CCDC57: variants seen among roughly 807,000 people sequenced by gnomAD.
The protein encoded by CCDC57 is coiled-coil domain-containing protein 57.
A neutral mutation model predicts 118.9 loss-of-function variants in CCDC57; 118 were observed. The observed-to-expected ratio is 0.99, with a 90% CI of 0.86 to 1.16. CCDC57 has a LOEUF of 1.16. Among genes scored for constraint, CCDC57 ranks in the 50% most tolerant of loss-of-function variants. The pLI, the probability that CCDC57 is intolerant of heterozygous loss-of-function variation, is 0.00. For missense variants in CCDC57, 1,300 were observed against 1,320.7 expected, an observed-to-expected ratio of 0.98 and a Z score of 0.24; for synonymous variants, 527 against 532.9, an observed-to-expected ratio of 0.99 and a Z score of 0.15.
chr17:82,206,211 G>C (rs570919003), intron 2 of CCDC57, among the ~76,000 whole-genome samples: 57 of 152,380 alleles, frequency 3.7e-4, no homozygotes, highest in Non-Finnish European at 7.8e-4. Context: ...GCATGGGTGG[G>C]CATCCCATCA....
Position 82,135,496 on chromosome 17 carries a change from A to C in CCDC57, c.2456-1302T>G, listed in dbSNP as rs897779992. On this transcript the variant is annotated intron_variant, in intron 16 of 19. Coordinates refer to ENST00000665763, the Ensembl canonical transcript of CCDC57. ...ATCAACATCTGAGGAGCATCGCAGG[A>C]TTAGCTCTGCCCTGTGGACATCCCG... The C allele has an allele frequency of 2.0e-5, 3 of 152,216 alleles. No homozygotes were observed. In the East Asian group the frequency reaches 5.8e-4, roughly 29 times the overall value. 9.4% of individuals were successfully genotyped at this position (152,216 alleles called of 1,614,324 possible). A position where few individuals can be genotyped will look rare whatever the true frequency, so the allele number is the denominator to read the frequency against.
Position 82,157,756 on chromosome 17 carries a change from C to A in CCDC57, c.2233G>T (p.Gly745Trp), listed in dbSNP as rs529229760. Residue 745 changes from glycine to tryptophan, a missense_variant, in exon 15 of 20, where the codon GGG becomes TGG. Physicochemically the swap from Gly to Trp is radical, Grantham distance 184. Coordinates refer to ENST00000665763, the Ensembl canonical transcript of CCDC57. Reference sequence around the variant, plus strand: ...AGCTAGCGGGCACCCACCTCTCTCCCAAGGGCCACGGCGTCCGAGGCTGGG... The same window carrying A: ...AGCTAGCGGGCACCCACCTCTCTCCAAAGGGCCACGGCGTCCGAGGCTGGG... The A allele has an allele frequency of 2.0e-4, 317 of 1,595,684 alleles. 5 individuals carry two copies. In the South Asian group the frequency reaches 3.4e-3, roughly 17 times the overall value.
At chr17:82,130,474 C>T (rs10852790) in intron 17 of CCDC57, among the ~76,000 whole-genome samples, 66,052 of 145,058 alleles carry the variant, frequency 0.46, 15,753 homozygotes, top group East Asian at 0.88. Flanking sequence ...GGATTACAGG[C>T]GTGAGCCACC....
intron 4 of CCDC57, 63 bp downstream of exon 3, chr17:82,198,251 T>C: frequency 1.0e-6 from 1 of 964,452 alleles, no homozygotes; most frequent in Non-Finnish European, 1.6e-6. Context: ...CCCTATATGA[T>C]TTCAGTTTCA....
intron 17 of CCDC57, among the ~76,000 whole-genome samples, chr17:82,131,581 A>AAAAC (rs1240159999): frequency 1.3e-5 from 2 of 152,124 alleles, no homozygotes; most frequent in East Asian, 1.9e-4. Context: ...TCTCTATTAA[A>AAAAC]AAACAAACAA....
At chr17:82,122,464 C>G (rs1323336593) in intron 19 of CCDC57, among the ~76,000 whole-genome samples, 1 of 152,242 alleles carries the variant, frequency 6.6e-6, no homozygotes, top group African/African-American at 2.4e-5. Flanking sequence ...CTCGTGGTTG[C>G]TCTAGGACTC....
chr17:82,204,201 C>T (rs1287866485), intron 2 of CCDC57, among the ~76,000 whole-genome samples: 2 of 152,196 alleles, frequency 1.3e-5, no homozygotes, highest in Admixed American at 6.5e-5. Context: ...ACCATCACGC[C>T]ACCTGGACCA....
At chr17:82,138,147 C>CTT (rs569568425) in intron 16 of CCDC57, among the ~76,000 whole-genome samples, 39 of 118,288 alleles carry the variant, frequency 3.3e-4, no homozygotes, top group Non-Finnish European at 4.6e-4. Context: ...AGGAGGATCT[C>CTT]TTTTTTTTTT....
In CCDC57 at chr17:82,118,971, A is replaced by G. The variant is rs1189968299; in HGVS notation, c.2899+8721T>C. On this transcript the variant is annotated intron_variant, in intron 19 of 19. Transcript: ENST00000665763. This position sits in a 1 kb window ranked among gnomAD's most constrained non-coding sequence, Gnocchi z 4.7. ...GTAGTGTGTGGTCCCCGTGAGAGGA[A>G]GCGGAGATCAGAGTAAGCTGTGTTC... Among the ~76,000 whole-genome samples the G allele has an allele frequency of 6.6e-6, 1 of 151,134 alleles. No homozygotes were observed. The highest frequency in any genetic ancestry group is 1.5e-5 in the Non-Finnish European group (1 of 67,818).
intron 13 of CCDC57, among the ~76,000 whole-genome samples, chr17:82,167,751 G>A (rs1186250324): frequency 6.6e-6 from 1 of 152,072 alleles, no homozygotes; most frequent in Non-Finnish European, 1.5e-5. Context: ...AAAGTGCTGG[G>A]ATTACAGGTG....
At chr17:82,114,228 C>T (rs1422839593) in intron 19 of CCDC57, among the ~76,000 whole-genome samples, 2 of 152,198 alleles carry the variant, frequency 1.3e-5, no homozygotes, top group Non-Finnish European at 2.9e-5. Context: ...CATGGCGGGG[C>T]CATCCCGACC....
chr17:82,126,547 C>A (rs1471022013), intron 19 of CCDC57: 5 of 985,212 alleles, frequency 5.1e-6, no homozygotes, highest in African/African-American at 1.7e-5. Flanking sequence ...TAAACACACA[C>A]GAAGATGCAC....
rs975012279 is a variant in CCDC57 at position 82,171,594 on chromosome 17, C to T, written c.1882+107G>A. The T allele has an allele frequency of 2.3e-5, 29 of 1,247,394 alleles. No individual in the cohort carries two copies. In the East Asian group the frequency reaches 2.7e-4, roughly 12 times the overall value. The allele number at this position is 1,247,394 out of a possible 1,614,324, so 77.3% of individuals were successfully genotyped here. A position where few individuals can be genotyped will look rare whatever the true frequency, so the allele number is the denominator to read the frequency against. On this transcript the variant is annotated intron_variant, in intron 13 of 19. Transcript: ENST00000665763. ...GCTGGGCTGGATGACGCCGCCCCAACGTCTGCAGTAGCCTTGAGCTGTATA... is the reference window on the plus strand; with the variant it reads ...GCTGGGCTGGATGACGCCGCCCCAATGTCTGCAGTAGCCTTGAGCTGTATA...
chr17:82,195,584 G>T (rs1352801130), intron 4 of CCDC57, among the ~76,000 whole-genome samples: 1 of 151,656 alleles, frequency 6.6e-6, no homozygotes, highest in Non-Finnish European at 1.5e-5. Flanking sequence ...TTCAAGACCA[G>T]CCTGGGCAAC....
rs2050230656 is a variant in CCDC57, at chr17:82,212,395, CTCT to C, written c.-211+387_-211+389del. Among the ~76,000 whole-genome samples the C allele has an allele frequency of 1.4e-4, 19 of 134,206 alleles. No homozygotes were observed. The highest frequency in any genetic ancestry group is 2.2e-4 in the East Asian group (1 of 4,562). The allele number at this position is 134,206 out of a possible 152,430, so 88.0% of individuals were successfully genotyped here. On this transcript the variant is annotated intron_variant, in intron 1 of 19. Transcript: ENST00000665763. The surrounding 1 kb of genome is among the most constrained non-coding windows in gnomAD (Gnocchi z 4.1). ...ACCGCCTCCGGCCTTTTTTTTTCCT[CTCT>C]TTTTTTTTTTTTTTTTTTAAACTCA... is the stretch of plus-strand genomic sequence containing the variant.
chr17:82,120,615 A>G (rs779668756), intron 19 of CCDC57, among the ~76,000 whole-genome samples: 1 of 152,260 alleles, frequency 6.6e-6, no homozygotes, highest in Non-Finnish European at 1.5e-5. Flanking sequence ...AGCATGCTCA[A>G]ATATTCAAAA....
intron 19 of CCDC57, 101 bp from the exon 19 acceptor site, chr17:82,101,967 G>A (rs566658149): frequency 4.4e-5 from 51 of 1,155,530 alleles, no homozygotes; most frequent in Middle Eastern, 2.5e-4. Context: ...CCGTGTTCCC[G>A]GCCAGCGGGG....
chr17:82,172,822 G>A lies in CCDC57; in HGVS notation c.1545C>T (p.Asp515=). ...GCCGCTGGATCTCACTGGATGGAAA[G>A]TCTTTACTTATTTCTTCTTCATGCT... The change falls in exon 12 of 20, where the codon GAC becomes GAT. Residue 515 remains aspartate (D), a synonymous_variant. Coordinates refer to ENST00000665763, the Ensembl canonical transcript of CCDC57. This position sits in a 1 kb window ranked among gnomAD's most constrained non-coding sequence, Gnocchi z 5.2. The A allele has an allele frequency of 6.2e-7, 1 of 1,613,404 alleles. No individual in the cohort carries two copies. The highest frequency in any genetic ancestry group is 8.5e-7 in the Non-Finnish European group (1 of 1,179,712).
At chr17:82,193,986 C>T (rs770033906) in exon 6 of CCDC57, 40 of 1,609,334 alleles carry the variant, frequency 2.5e-5, no homozygotes, top group South Asian at 4.4e-5. Context: ...GCGCACCGGG[C>T]GCGGCTCATG....
Sources: allele counts gnomAD v4.1 joint callset (sites outside exome capture counted in the v4.1 genomes callset), GRCh38; gene constraint gnomAD v4.1.1; non-coding constraint Gnocchi (gnomAD v3.1); transcripts MANE v1.5; gene names NCBI Gene and HGNC (gene_info 2026-07-23, HGNC 2026-07-21).